Variants in IQGAP2 observed in about 807,000 individuals in gnomAD.
IQGAP2 encodes the protein IQ motif containing GTPase activating protein 2, also known as ras GTPase-activating-like protein IQGAP2.
IQGAP2 carries 173 observed loss-of-function variants against 201.3 expected under a neutral mutation model. The ratio of observed to expected loss-of-function variants is 0.86; its 90% CI spans 0.76 to 0.98. The LOEUF (loss-of-function observed/expected upper bound fraction) is 0.98. Among genes scored for constraint, IQGAP2 ranks in the 50% least tolerant of loss-of-function variants. The pLI, the probability that IQGAP2 is intolerant of heterozygous loss-of-function variation, is 0.00. For missense variants in IQGAP2, 1,687 were observed against 1,864.8 expected (o/e 0.90, Z 1.76); for synonymous variants, 675 against 673.9 (o/e 1.00, Z -0.03).
At chr5:76,641,984 C>G (rs1288891931) in intron 17 of IQGAP2, among the ~76,000 whole-genome samples, 1 of 152,082 alleles carries the variant, frequency 6.6e-6, no homozygotes, top group Non-Finnish European at 1.5e-5. Context: ...TAGGTGCTTA[C>G]ATATTTAAAT....
At chr5:76,504,566 G>A (rs1206406222) in intron 2 of IQGAP2, among the ~76,000 whole-genome samples, 2 of 152,080 alleles carry the variant, frequency 1.3e-5, no homozygotes, top group South Asian at 4.1e-4. Context: ...GGCCACTTCC[G>A]TGAGCCCCAG....
chr5:76,510,153 C>T (rs982174836), intron 2 of IQGAP2, among the ~76,000 whole-genome samples: 3 of 152,096 alleles, frequency 2.0e-5, no homozygotes, highest in African/African-American at 7.2e-5. Flanking sequence ...GCACCCGCCA[C>T]CATGCCCGGC....
chr5:76,494,966 G>A (rs181858744), intron 2 of IQGAP2, among the ~76,000 whole-genome samples: 1 of 152,250 alleles, frequency 6.6e-6, no homozygotes, highest in African/African-American at 2.4e-5. Context: ...CTGTGAGGGT[G>A]TTTTCTTTTC....
intron 2 of IQGAP2, among the ~76,000 whole-genome samples, chr5:76,511,223 T>A (rs1757940421): frequency 6.6e-6 from 1 of 152,230 alleles, no homozygotes; most frequent in South Asian, 2.1e-4. Context: ...GGGTGGCTAA[T>A]GGTATTGGTT....
At chr5:76,674,403 TAAA>T in intron 26 of IQGAP2, 71 bp from the exon 27 acceptor site, 1 of 632,156 alleles carries the variant, frequency 1.6e-6, no homozygotes, top group Non-Finnish European at 2.5e-6. Context: ...TATATATCTT[TAAA>T]AAAAAAAAGA....
chr5:76,699,651 C>G (rs930475957), intron 33 of IQGAP2, among the ~76,000 whole-genome samples: 1 of 122,904 alleles, frequency 8.1e-6, no homozygotes, highest in Non-Finnish European at 1.7e-5. Context: ...CTCTCTCTCT[C>G]TCTCTCTCTC....
intron 4 of IQGAP2, among the ~76,000 whole-genome samples, chr5:76,571,219 C>T (rs1745094352): frequency 6.6e-6 from 1 of 151,942 alleles, no homozygotes; most frequent in Admixed American, 6.6e-5. Context: ...CTGGCTCTGT[C>T]GCCCAGTCTG....
intron 1 of IQGAP2, among the ~76,000 whole-genome samples, chr5:76,421,874 T>C (rs1157494032): frequency 3.9e-5 from 6 of 152,204 alleles, no homozygotes; most frequent in Non-Finnish European, 8.8e-5. Context: ...TTAACCTGGC[T>C]CATCCAAATA....
chr5:76,453,117 T>C lies in IQGAP2; in HGVS notation c.47-8453T>C, dbSNP rs368931805. 2.6e-5 allele frequency among the ~76,000 whole-genome samples: 4 copies of C among 152,282 alleles called. No homozygotes were observed. The East Asian group carries it at 7.7e-4, about 29-fold the overall frequency. On this transcript the variant is annotated intron_variant, in intron 1 of 35. Coordinates refer to ENST00000274364, the MANE Select transcript of IQGAP2 (RefSeq NM_006633.5). ...TTTTAGTAGAAACGGTGTTTCACCA[T>C]GTTGGTCAGGCTGGTCTTGAACTCC...
intron 1 of IQGAP2, among the ~76,000 whole-genome samples, chr5:76,435,846 A>T (rs1461948022): frequency 6.6e-6 from 1 of 152,118 alleles, no homozygotes; most frequent in South Asian, 2.1e-4. Flanking sequence ...TGCTTGTATC[A>T]TCTGTGATTT....
intron 30 of IQGAP2, among the ~76,000 whole-genome samples, chr5:76,693,111 A>T (rs1198803859): frequency 2.0e-5 from 3 of 152,250 alleles, no homozygotes; most frequent in Non-Finnish European, 4.4e-5. Flanking sequence ...ACTTGTGCCC[A>T]TGTTACTGAC....
chr5:76,448,492 G>A (rs1219984748), intron 1 of IQGAP2, among the ~76,000 whole-genome samples: 8 of 152,138 alleles, frequency 5.3e-5, no homozygotes, highest in Non-Finnish European at 1.2e-4. Flanking sequence ...AGGAAGGCTG[G>A]CTTGGGATCT....
chr5:76,671,717 C>T, intron 23 of IQGAP2, 42 bp from the exon 24 acceptor site: 2 of 1,331,632 alleles, frequency 1.5e-6, no homozygotes, highest in Non-Finnish European at 2.1e-6. Context: ...AAATCTGTAT[C>T]CATGGAAGCA....
rs1218875495 is a variant in IQGAP2, at chr5:76,490,560, A to G, written c.146+28891A>G. The stretch of plus-strand genomic sequence containing the variant: ...CAGTGCAGTGGATGTGGAGAGAATG[A>G]AAGATTCAACAATAACTATATAAAA... On this transcript the variant is annotated intron_variant, in intron 2 of 35. Transcript: ENST00000274364. Among the ~76,000 whole-genome samples the G allele has an allele frequency of 1.4e-4, 21 of 152,222 alleles. 1 individual carries two copies. The highest frequency in any genetic ancestry group is 1.4e-3 in the Admixed American group (21 of 15,286).
At chr5:76,634,264 T>C (rs1165002479) in intron 15 of IQGAP2, among the ~76,000 whole-genome samples, 2 of 151,260 alleles carry the variant, frequency 1.3e-5, no homozygotes, top group African/African-American at 4.9e-5. Context: ...TATTTGCCTT[T>C]TTTTTTTTTC....
rs368688321 is a variant in IQGAP2 at position 76,669,076 on chromosome 5, C to G, written c.2843+232C>G. Among the ~76,000 whole-genome samples the G allele has an allele frequency of 1.1e-4, 17 of 152,206 alleles. No individual in the cohort carries two copies. In the East Asian group the frequency reaches 3.1e-3, roughly 28 times the overall value. ...TAAATTAACTTTTGATTTTGTATGC[C>G]TGTAACAACTGAAAATCAATAGCAT... On this transcript the variant is annotated intron_variant, in intron 23 of 35. Coordinates refer to ENST00000274364, the MANE Select transcript of IQGAP2 (RefSeq NM_006633.5).
At chr5:76,687,631 A>T (rs779454013) in intron 30 of IQGAP2, among the ~76,000 whole-genome samples, 2 of 152,116 alleles carry the variant, frequency 1.3e-5, no homozygotes, top group African/African-American at 2.4e-5. Context: ...TTAACACCTG[A>T]GCTCCACCTC....
At chr5:76,507,869 C>T (rs890223804) in intron 2 of IQGAP2, among the ~76,000 whole-genome samples, 5 of 151,686 alleles carry the variant, frequency 3.3e-5, no homozygotes, top group African/African-American at 9.7e-5. Context: ...ATTAGCTGGG[C>T]GTGGTGACAC....
chr5:76,673,782 A>G, intron 25 of IQGAP2, 170 bp from the exon 26 acceptor site: 1 of 688,260 alleles, frequency 1.5e-6, no homozygotes, highest in Non-Finnish European at 2.5e-6. Flanking sequence ...TAGCAAACAC[A>G]GCTCAGTTAT....
Sources: gnomAD v4.1 joint callset for allele counts (sites outside exome capture counted in the v4.1 genomes callset) on GRCh38, gnomAD v4.1.1 for gene constraint, MANE v1.5 for transcripts, NCBI Gene and HGNC (gene_info 2026-07-23, HGNC 2026-07-21) for gene names.